Variants in KCTD1 observed in about 807,000 individuals in gnomAD.
KCTD1 encodes the protein potassium channel tetramerization domain containing 1, also known as BTB/POZ domain-containing protein KCTD1.
KCTD1 carries 24 observed loss-of-function variants against 66.0 expected under a neutral mutation model. That is an observed-to-expected ratio of 0.36 (90% CI 0.26 to 0.51). KCTD1 has a LOEUF of 0.51. Among genes scored for constraint, KCTD1 ranks in the 20% least tolerant of loss-of-function variants. The probability of loss-of-function intolerance (pLI) is 0.95; values close to 1 mark genes in which losing one functional copy is unlikely to be tolerated. For missense variants in KCTD1, 943 were observed against 1,205.2 expected (o/e 0.78, Z 3.22); for synonymous variants, 511 against 517.2 (o/e 0.99, Z 0.16).
chr18:26,476,902 T>C lies in KCTD1; in HGVS notation c.1989-243A>G, dbSNP rs1981378149. 2.3e-6 allele frequency: 1 copy of C among 436,002 alleles called. No homozygotes were observed. The highest frequency in any genetic ancestry group is 4.5e-5 in the East Asian group (1 of 22,230). The allele number at this position is 436,002 out of a possible 1,614,324, so 27.0% of individuals were successfully genotyped here. A position where few individuals can be genotyped will look rare whatever the true frequency, so the allele number is the denominator to read the frequency against. On this transcript the variant is annotated intron_variant, in intron 2 of 4. Coordinates refer to ENST00000580059, the MANE Select transcript of KCTD1 (RefSeq NM_001142730.3). The surrounding 1 kb of genome is among the most constrained non-coding windows in gnomAD (Gnocchi z 4.9). Reference sequence around the variant, plus strand: ...CACTGTCTTTCACCTGCAAAGAAAATGTTCCTGACATGGTGATTACGGCTA... The same window carrying C: ...CACTGTCTTTCACCTGCAAAGAAAACGTTCCTGACATGGTGATTACGGCTA...
chr18:26,527,492 AG>A (rs147266086), intron 1 of KCTD1, among the ~76,000 whole-genome samples: 11,290 of 109,342 alleles, frequency 0.1, 424 homozygotes, highest in African/African-American at 0.16. Context: ...CAAAAAAAAA[AG>A]GGGGGGGGGC....
chr18:26,618,953 G>A (rs1321978817), intron 1 of KCTD1, among the ~76,000 whole-genome samples: 1 of 152,204 alleles, frequency 6.6e-6, no homozygotes, highest in African/African-American at 2.4e-5. Flanking sequence ...TCCAGGGAAA[G>A]CCAATGTCCA....
At chr18:26,646,645 G>A (rs1235750677) in intron 1 of KCTD1, among the ~76,000 whole-genome samples, 1 of 152,152 alleles carries the variant, frequency 6.6e-6, no homozygotes, top group Non-Finnish European at 1.5e-5. Flanking sequence ...CTGGGTGCAT[G>A]TTTTCAAAAG....
chr18:26,621,610 A>G (rs184607557), intron 1 of KCTD1, among the ~76,000 whole-genome samples: 1 of 152,302 alleles, frequency 6.6e-6, no homozygotes, highest in Admixed American at 6.5e-5. Flanking sequence ...ATGCACTAAT[A>G]GGAAACTTGC....
At chr18:26,493,812 C>T (rs1230411207) in intron 2 of KCTD1, among the ~76,000 whole-genome samples, 2 of 152,180 alleles carry the variant, frequency 1.3e-5, no homozygotes, top group Non-Finnish European at 2.9e-5. Flanking sequence ...TTTCTAGATA[C>T]TTTCTGTACC....
intron 1 of KCTD1, among the ~76,000 whole-genome samples, chr18:26,529,407 C>T (rs1039808205): frequency 1.1e-4 from 16 of 152,208 alleles, no homozygotes; most frequent in African/African-American, 7.2e-5. Flanking sequence ...GCTACAAGCC[C>T]GTGAACTTTC....
chr18:26,527,500 G>GC (rs1984226434), intron 1 of KCTD1, among the ~76,000 whole-genome samples: 1 of 147,968 alleles, frequency 6.8e-6, no homozygotes, highest in African/African-American at 2.5e-5. Flanking sequence ...AAAGGGGGGG[G>GC]GGCGTGGGAG....
At chr18:26,626,110 G>A (rs979577045) in intron 1 of KCTD1, among the ~76,000 whole-genome samples, 1 of 151,592 alleles carries the variant, frequency 6.6e-6, no homozygotes, top group African/African-American at 2.4e-5. Context: ...GAAAGACACT[G>A]GATCCTTCCT....
intron 1 of KCTD1, among the ~76,000 whole-genome samples, chr18:26,605,085 AACAG>A (rs1333537910): frequency 1.3e-5 from 2 of 152,166 alleles, no homozygotes; most frequent in East Asian, 1.9e-4. Flanking sequence ...AGGAAAAAGA[AACAG>A]ACAAAGGGCA....
chr18:26,537,055 T>G (rs1296188128), intron 1 of KCTD1, among the ~76,000 whole-genome samples: 3 of 152,096 alleles, frequency 2.0e-5, no homozygotes, highest in Admixed American at 2.0e-4. Context: ...GACGAACATG[T>G]GAAAGAACTC....
intron 1 of KCTD1, among the ~76,000 whole-genome samples, chr18:26,557,165 C>T (rs928018628): frequency 3.3e-5 from 5 of 152,188 alleles, no homozygotes; most frequent in African/African-American, 1.2e-4. Flanking sequence ...CCGTAGAAAA[C>T]ACACAAACTT....
chr18:26,573,028 CT>C lies in KCTD1; in HGVS notation c.-16+56118del, dbSNP rs1185570819. Among the ~76,000 whole-genome samples, 512 of 146,276 alleles carry C rather than the reference CT, an allele frequency of 3.5e-3. 1 individual carries two copies. Among genetic ancestry groups the C allele is most frequent in the African/African-American group, 9.3e-3 (372 of 40,192 alleles). On this transcript the variant is annotated intron_variant, in intron 1 of 4. Coordinates refer to the KCTD1 transcript ENST00000317932. ...CTACAGACTCAATAACCACCCCCCC[CT>C]TTTTTTTTTTGAGACAGAGTCTCGC...
At chr18:26,554,985 A>G (rs1457544994) in intron 1 of KCTD1, among the ~76,000 whole-genome samples, 1 of 152,202 alleles carries the variant, frequency 6.6e-6, no homozygotes, top group Admixed American at 6.5e-5. Flanking sequence ...AGTTGTATAT[A>G]TTGGTAAAAG....
chr18:26,583,908 C>T (rs558050575), intron 1 of KCTD1, among the ~76,000 whole-genome samples: 350 of 152,334 alleles, frequency 2.3e-3, no homozygotes, highest in Admixed American at 5.0e-3. Flanking sequence ...ACAGGACAGC[C>T]ACCCAGCTTC....
At chr18:26,509,215 A>G (rs1983210460) in intron 1 of KCTD1, among the ~76,000 whole-genome samples, 1 of 151,998 alleles carries the variant, frequency 6.6e-6, no homozygotes, top group African/African-American at 2.4e-5. Context: ...TGTATGCATA[A>G]TTTATTTAGA....
At chr18:26,499,447 A>T (rs79478869) in intron 2 of KCTD1, among the ~76,000 whole-genome samples, 1 of 152,230 alleles carries the variant, frequency 6.6e-6, no homozygotes, top group Non-Finnish European at 1.5e-5. Context: ...ATAGATGACT[A>T]ATACAATCAT....
At chr18:26,558,127 C>T (rs557144202) in intron 1 of KCTD1, among the ~76,000 whole-genome samples, 16 of 152,276 alleles carry the variant, frequency 1.1e-4, no homozygotes, top group African/African-American at 3.4e-4. Context: ...CCAAATCACC[C>T]GGAAGGCTTG....
chr18:26,495,975 G>A (rs1410090217), intron 2 of KCTD1, among the ~76,000 whole-genome samples: 1 of 152,086 alleles, frequency 6.6e-6, no homozygotes, highest in Non-Finnish European at 1.5e-5. Flanking sequence ...AATCAGACGT[G>A]TTTTCTTTTA....
chr18:26,549,109 G>T (rs1279233810), upstream of KCTD1: 1 of 984,820 alleles, frequency 1.0e-6, no homozygotes, highest in Non-Finnish European at 1.2e-6. Flanking sequence ...GAGCGGAGCG[G>T]AGCAGGCAGG....
Sources: gnomAD v4.1 joint callset for allele counts (sites outside exome capture counted in the v4.1 genomes callset) on GRCh38, gnomAD v4.1.1 for gene constraint, Gnocchi (gnomAD v3.1) non-coding constraint, MANE v1.5 for transcripts, NCBI Gene and HGNC (gene_info 2026-07-23, HGNC 2026-07-21) for gene names.